ASPH: variants seen among roughly 807,000 people sequenced by gnomAD.
The protein encoded by ASPH is aspartate beta-hydroxylase.
A neutral mutation model predicts 118.4 loss-of-function variants in ASPH; 100 were observed. That is an observed-to-expected ratio of 0.84 (90% CI 0.72 to 1.00). ASPH has a LOEUF of 1.00. Among genes scored for constraint, ASPH ranks in the 50% least tolerant of loss-of-function variants. ASPH has a pLI of 0.00. For missense variants in ASPH, 920 were observed against 919.5 expected (o/e 1.00, Z -0.01); for synonymous variants, 315 against 325.6 (o/e 0.97, Z 0.35).
intron 14 of ASPH, among the ~76,000 whole-genome samples, chr8:61,584,936 C>T (rs1030122880): frequency 6.6e-6 from 1 of 152,172 alleles, no homozygotes; most frequent in African/African-American, 2.4e-5. Flanking sequence ...CCTGAAATCA[C>T]CCACACAGTA....
At chr8:61,518,236 G>C in intron 22 of ASPH, 113 bp from the exon 23 acceptor site, 1 of 828,784 alleles carries the variant, frequency 1.2e-6, no homozygotes, top group Non-Finnish European at 1.9e-6. Flanking sequence ...AGAAGATTGA[G>C]TAAACATGAG....
intron 13 of ASPH, among the ~76,000 whole-genome samples, chr8:61,623,108 C>T (rs1851562650): frequency 6.6e-6 from 1 of 152,094 alleles, no homozygotes; most frequent in African/African-American, 2.4e-5. Flanking sequence ...TAAGGTGGGG[C>T]AGTAGTTCTA....
At chr8:61,702,280 CTTTTTTT>C (rs71257379) in intron 1 of ASPH, among the ~76,000 whole-genome samples, 3 of 123,378 alleles carry the variant, frequency 2.4e-5, no homozygotes, top group South Asian at 5.8e-4. Flanking sequence ...ATAGCTACTT[CTTTTTTT>C]TTTTTTTTTT....
At chr8:61,626,283 G>A (rs770158923) in intron 13 of ASPH, 2 of 1,562,018 alleles carry the variant, frequency 1.3e-6, no homozygotes, top group South Asian at 2.4e-5. Flanking sequence ...TTAAGTATCT[G>A]CAAAAATAAG....
intron 14 of ASPH, chr8:61,607,065 C>T: frequency 2.1e-6 from 1 of 476,784 alleles, no homozygotes; most frequent in South Asian, 3.3e-5. Flanking sequence ...GGTGTTCCCA[C>T]AGCATTTTGT....
At chr8:61,637,812 G>C in intron 12 of ASPH, 135 bp downstream of exon 12, 1 of 762,276 alleles carries the variant, frequency 1.3e-6, no homozygotes, top group Non-Finnish European at 2.1e-6. Context: ...AGAGGACTCT[G>C]TGTTTTCTTC....
chr8:61,518,603 A>C (rs1811765435), intron 22 of ASPH, among the ~76,000 whole-genome samples: 1 of 152,238 alleles, frequency 6.6e-6, no homozygotes, highest in Non-Finnish European at 1.5e-5. Flanking sequence ...ACACTAAAGT[A>C]AGCTGAAAAA....
At position 61,651,013 on chromosome 8, in the gene ASPH, T is replaced by C. The variant is rs769160160; in HGVS notation, c.490+37A>G. 6.4e-6 allele frequency: 10 copies of C among 1,560,306 alleles called. No homozygotes were observed. In the Admixed American group the frequency reaches 1.4e-4, roughly 22 times the overall value. On this transcript the variant is annotated intron_variant, in intron 5 of 24. Coordinates refer to ENST00000379454, the MANE Select transcript of ASPH (RefSeq NM_004318.4). Reference sequence around the variant, plus strand: ...CATTTTACATAACTAAGCGTTATTTTAGTAACTCAAAACAAAGAGCAGATT... The same window carrying C: ...CATTTTACATAACTAAGCGTTATTTCAGTAACTCAAAACAAAGAGCAGATT...
chr8:61,617,658 C>T (rs749362086), intron 14 of ASPH, among the ~76,000 whole-genome samples: 6 of 151,882 alleles, frequency 4.0e-5, no homozygotes, highest in Admixed American at 2.0e-4. Context: ...AGGCCAGGCA[C>T]GGTGGTTCAT....
intron 16 of ASPH, 141 bp from the exon 17 acceptor site, chr8:61,567,459 T>TA (rs985839985): frequency 6.6e-5 from 56 of 847,098 alleles, no homozygotes; most frequent in Middle Eastern, 2.4e-4. Flanking sequence ...TATCAAGAGA[T>TA]AAAAAAAACT....
At chr8:61,700,797 C>A (rs938324653) in intron 1 of ASPH, among the ~76,000 whole-genome samples, 2 of 152,220 alleles carry the variant, frequency 1.3e-5, no homozygotes, top group Admixed American at 1.3e-4. Context: ...ACCTATTCAT[C>A]CCTTTACATC....
chr8:61,671,485 G>A (rs1169149908), intron 3 of ASPH, among the ~76,000 whole-genome samples: 1 of 152,106 alleles, frequency 6.6e-6, no homozygotes, highest in East Asian at 1.9e-4. Context: ...AATCCATTCA[G>A]ACAAAAGTTG....
At position 61,668,151 on chromosome 8, in the gene ASPH, AT is replaced by A. The variant is rs978468533; in HGVS notation, c.322+12816del. 5 of 1,361,366 alleles carry A rather than the reference AT, an allele frequency of 3.7e-6. No homozygotes were observed. In the Admixed American group the frequency reaches 5.6e-5, roughly 15 times the overall value. The allele number at this position is 1,361,366 out of a possible 1,614,324, so 84.3% of individuals were successfully genotyped here. A position where few individuals can be genotyped will look rare whatever the true frequency, so the allele number is the denominator to read the frequency against. On this transcript the variant is annotated intron_variant, in intron 3 of 24. Coordinates refer to ENST00000379454, the MANE Select transcript of ASPH (RefSeq NM_004318.4). Reference sequence around the variant, plus strand: ...GCAATAGTGTTTAGCATTAGTAGCAATATTAACATTCCCAGAAAATGTCATG... The same window carrying A: ...GCAATAGTGTTTAGCATTAGTAGCAAATTAACATTCCCAGAAAATGTCATG...
intron 23 of ASPH, 104 bp downstream of exon 23, chr8:61,517,928 A>G (rs1002817191): frequency 1.1e-5 from 14 of 1,227,584 alleles, no homozygotes; most frequent in Middle Eastern, 2.0e-4. Context: ...ATGTAAAAAG[A>G]GGCATTCATT....
chr8:61,563,832 G>A (rs1386736017), intron 17 of ASPH, among the ~76,000 whole-genome samples: 1 of 152,162 alleles, frequency 6.6e-6, no homozygotes, highest in Non-Finnish European at 1.5e-5. Flanking sequence ...ACAAAAGCAT[G>A]GACACAAACT....
intron 24 of ASPH, among the ~76,000 whole-genome samples, chr8:61,507,156 A>G (rs1806926295): frequency 6.6e-6 from 1 of 152,212 alleles, no homozygotes; most frequent in Non-Finnish European, 1.5e-5. Flanking sequence ...AGAACTGGGA[A>G]AAGTTATTAG....
intron 21 of ASPH, among the ~76,000 whole-genome samples, chr8:61,539,256 T>G (rs1820791565): frequency 6.6e-6 from 1 of 152,034 alleles, no homozygotes; most frequent in South Asian, 2.1e-4. Flanking sequence ...ATATATATAT[T>G]TAAAATTATA....
intron 24 of ASPH, among the ~76,000 whole-genome samples, chr8:61,515,872 C>T (rs1005983858): frequency 1.3e-5 from 2 of 152,106 alleles, no homozygotes; most frequent in African/African-American, 4.8e-5. Flanking sequence ...TTTCCAGCAT[C>T]CCAATTCCAG....
chr8:61,526,275 T>C (rs575779166), intron 21 of ASPH, among the ~76,000 whole-genome samples, 163 bp from the exon 22 acceptor site: 9 of 152,350 alleles, frequency 5.9e-5, no homozygotes, highest in Admixed American at 4.6e-4. Context: ...GTCACAGCTA[T>C]AAAAACCCCA....
Sources: allele counts gnomAD v4.1 joint callset (sites outside exome capture counted in the v4.1 genomes callset), GRCh38; gene constraint gnomAD v4.1.1; transcripts MANE v1.5; gene names NCBI Gene and HGNC (gene_info 2026-07-23, HGNC 2026-07-21).